MEIG1: variants seen among roughly 807,000 people sequenced by gnomAD.
The protein encoded by MEIG1 is meiosis expressed gene 1 protein homolog.
Under a neutral mutation model 11.3 loss-of-function variants are expected in MEIG1, and 12 were observed. The ratio of observed to expected loss-of-function variants is 1.07; its 90% CI spans 0.68 to 1.73. The LOEUF (loss-of-function observed/expected upper bound fraction) is 1.73. Among genes scored for constraint, MEIG1 ranks in the 40% most tolerant of loss-of-function variants. MEIG1 has a pLI of 0.00. For missense variants in MEIG1, 119 were observed against 104.9 expected, an observed-to-expected ratio of 1.13 and a Z score of -0.59; for synonymous variants, 41 against 33.2, an observed-to-expected ratio of 1.24 and a Z score of -0.81.
chr10:14,970,095 A>T (rs1290706926), intron 2 of MEIG1, among the ~76,000 whole-genome samples: 1 of 152,114 alleles, frequency 6.6e-6, no homozygotes, highest in Non-Finnish European at 1.5e-5. Flanking sequence ...TGGTGACTGA[A>T]GGCTTGCTTT....
intron 1 of MEIG1, among the ~76,000 whole-genome samples, chr10:14,964,669 T>G (rs1333981579): frequency 1.7e-5 from 2 of 119,060 alleles, no homozygotes; most frequent in African/African-American, 3.2e-5. Context: ...GGAGCCAGAG[T>G]CTTGCTCTGT....
intron 2 of MEIG1, among the ~76,000 whole-genome samples, chr10:14,968,407 G>C (rs1482832664): frequency 6.6e-6 from 1 of 152,100 alleles, no homozygotes; most frequent in Non-Finnish European, 1.5e-5. Flanking sequence ...AGAATCACTT[G>C]AGCCCAGGAG....
intron 2 of MEIG1, among the ~76,000 whole-genome samples, chr10:14,969,180 C>G (rs535092223): frequency 4.4e-4 from 67 of 152,320 alleles, no homozygotes; most frequent in Admixed American, 1.2e-3. Context: ...GCTGTGGTGG[C>G]TTACGCCTCT....
At chr10:14,975,478 A>T (rs1191162186), downstream of MEIG1, among the ~76,000 whole-genome samples, 2 of 152,032 alleles carry the variant, frequency 1.3e-5, no homozygotes, top group East Asian at 3.9e-4. Context: ...ATTACTCCCA[A>T]TATCACAGAA....
intron 1 of MEIG1, among the ~76,000 whole-genome samples, chr10:14,965,089 C>T (rs535710092): frequency 1.1e-5 from 1 of 87,994 alleles, no homozygotes; most frequent in African/African-American, 3.7e-5. Context: ...CAGCCTTTCC[C>T]TGTTATACCT....
chr10:14,960,399 GAT>G (rs1193470955), intron 1 of MEIG1, among the ~76,000 whole-genome samples: 3 of 152,074 alleles, frequency 2.0e-5, no homozygotes, highest in African/African-American at 7.2e-5. Flanking sequence ...AGGGAGTTGA[GAT>G]GGTGTTTTTT....
rs141386555 is a variant in MEIG1, at chr10:14,960,337, G to A, written c.-30+780G>A. On this transcript the variant is annotated intron_variant, in intron 1 of 2. Transcript: ENST00000407572. ...TCAGAGTGAAAGGGAAGTGAAAAGG[G>A]AATTTGGGTGGCTGGCTACATCAGA... is the stretch of plus-strand genomic sequence containing the variant. Among the ~76,000 whole-genome samples, 999 of 152,322 alleles carry A rather than the reference G, an allele frequency of 6.6e-3. 16 individuals carry two copies. The highest frequency in any genetic ancestry group is 0.023 in the African/African-American group (951 of 41,582).
chr10:14,974,566 A>T (rs1186975581), downstream of MEIG1, among the ~76,000 whole-genome samples: 2 of 152,030 alleles, frequency 1.3e-5, no homozygotes, highest in East Asian at 3.9e-4. Flanking sequence ...CTGTCGAGGG[A>T]GGGGTGGAAT....
At chr10:14,974,461 AAC>A (rs1394937108), downstream of MEIG1, among the ~76,000 whole-genome samples, 5 of 152,030 alleles carry the variant, frequency 3.3e-5, no homozygotes, top group South Asian at 1.0e-3. Flanking sequence ...GGTACCCAAA[AAC>A]ACGCCTCTCC....
upstream of MEIG1, among the ~76,000 whole-genome samples, chr10:14,956,348 G>A (rs946030363): frequency 2.6e-5 from 4 of 152,004 alleles, no homozygotes; most frequent in South Asian, 4.1e-4. Flanking sequence ...GGAGGCCGAC[G>A]CAGGTGGATC....
At chr10:14,976,161 T>C (rs1355260250), downstream of MEIG1, among the ~76,000 whole-genome samples, 1 of 152,144 alleles carries the variant, frequency 6.6e-6, no homozygotes, top group East Asian at 1.9e-4. Flanking sequence ...CGATTTTTCC[T>C]AGGATCTTTT....
rs772914953 is a variant in MEIG1 at position 14,966,595 on chromosome 10, C to G, written c.127C>G (p.Gln43Glu). Reference protein sequence around the residue: ...RDETEYRQVKQVSMVDRWPET... With the variant: ...RDETEYRQVKEVSMVDRWPET... The stretch of plus-strand genomic sequence containing the variant: ...TGAAACCGAATATAGACAAGTGAAA[C>G]AAGTTTCTATGGTAAGATTTCTGTC... The change falls in exon 2 of 3, where the codon CAA becomes GAA. Residue 43 changes from glutamine to glutamate, a missense_variant. Gln to Glu is a conservative substitution (Grantham distance 29). Coordinates refer to ENST00000407572, the MANE Select transcript of MEIG1 (RefSeq NM_001080836.3). 6.2e-7 allele frequency: 1 copy of G among 1,608,152 alleles called. No homozygotes were observed. Among genetic ancestry groups the G allele is most frequent in the East Asian group, 2.2e-5 (1 of 44,524 alleles).
At chr10:14,968,474 C>G (rs532248407) in intron 2 of MEIG1, among the ~76,000 whole-genome samples, 1 of 151,306 alleles carries the variant, frequency 6.6e-6, no homozygotes, top group Non-Finnish European at 1.5e-5. Flanking sequence ...GGCAACAAAG[C>G]GAAACCCCAT....
chr10:14,964,339 G>A (rs1180016743), intron 1 of MEIG1, among the ~76,000 whole-genome samples: 1 of 151,834 alleles, frequency 6.6e-6, no homozygotes, highest in Non-Finnish European at 1.5e-5. Flanking sequence ...AATTCAGCAA[G>A]TCTGTCTATT....
At chr10:14,972,207 G>T (rs575984744) in intron 2 of MEIG1, among the ~76,000 whole-genome samples, 1 of 152,134 alleles carries the variant, frequency 6.6e-6, no homozygotes, top group African/African-American at 2.4e-5. Context: ...TAGAGGCATT[G>T]TTTCACCATG....
upstream of MEIG1, among the ~76,000 whole-genome samples, chr10:14,955,792 A>C (rs1842933748): frequency 6.6e-6 from 1 of 152,212 alleles, no homozygotes; most frequent in Non-Finnish European, 1.5e-5. Flanking sequence ...ACAGATTTCC[A>C]TGAAATCTTG....
chr10:14,957,487 C>T (rs528228363), upstream of MEIG1, among the ~76,000 whole-genome samples: 42 of 152,250 alleles, frequency 2.8e-4, 1 homozygote, highest in South Asian at 3.3e-3. Context: ...CAGAATGATC[C>T]GGGGCTACAG....
At chr10:14,985,197 G>C (rs920731141) in intron 1 of MEIG1, among the ~76,000 whole-genome samples, 1 of 151,922 alleles carries the variant, frequency 6.6e-6, no homozygotes, top group South Asian at 2.1e-4. Flanking sequence ...AAATCACTGG[G>C]GCCGTACATC....
chr10:14,961,977 T>C (rs1303597431), intron 1 of MEIG1, among the ~76,000 whole-genome samples: 1 of 151,842 alleles, frequency 6.6e-6, no homozygotes, highest in African/African-American at 2.4e-5. Context: ...CCAGCTAATT[T>C]TATTTTTTGT....
Sources: allele counts gnomAD v4.1 joint callset (sites outside exome capture counted in the v4.1 genomes callset), GRCh38; gene constraint gnomAD v4.1.1; transcripts MANE v1.5; gene names NCBI Gene and HGNC (gene_info 2026-07-23, HGNC 2026-07-21).